Variants in DPF3 observed in about 807,000 individuals in gnomAD.
DPF3 encodes double PHD fingers 3.
Under a neutral mutation model 56.8 loss-of-function variants are expected in DPF3, and 18 were observed. The ratio of observed to expected loss-of-function variants is 0.32; its 90% CI spans 0.22 to 0.47. The LOEUF (loss-of-function observed/expected upper bound fraction) is 0.47. DPF3 is among the 20% of genes least tolerant of loss of function. DPF3 has a pLI of 1.00. For synonymous variants in DPF3, 188 were observed against 180.2 expected (o/e 1.04, Z -0.35); for missense variants, 403 against 488.8 (o/e 0.82, Z 1.65).
chr14:72,664,493 C>G (rs376015847), intron 8 of DPF3, among the ~76,000 whole-genome samples: 3 of 152,236 alleles, frequency 2.0e-5, no homozygotes, highest in East Asian at 3.9e-4. Context: ...CAGCTGTGTT[C>G]TTAGTCTCCT....
chr14:72,856,901 G>A (rs1885190842), intron 1 of DPF3, among the ~76,000 whole-genome samples: 1 of 152,218 alleles, frequency 6.6e-6, no homozygotes, highest in East Asian at 1.9e-4. Context: ...GAAATGTGGG[G>A]CGAGGACTTA....
chr14:72,849,087 A>G (rs1884870605), intron 1 of DPF3, among the ~76,000 whole-genome samples: 1 of 152,222 alleles, frequency 6.6e-6, no homozygotes, highest in South Asian at 2.1e-4. Flanking sequence ...CTCGTTAGTG[A>G]CAAAAGTAAA....
At chr14:72,651,245 C>T (rs1239617073) in intron 8 of DPF3, among the ~76,000 whole-genome samples, 1 of 152,220 alleles carries the variant, frequency 6.6e-6, no homozygotes, top group Non-Finnish European at 1.5e-5. Context: ...TGCTCCGGGG[C>T]TGCTCCTTCT....
rs1285706369 is a variant in DPF3 at position 72,666,144 on chromosome 14, T to C, written c.871+8096A>G. On this transcript the variant is annotated intron_variant, in intron 8 of 10. Transcript: ENST00000556509. Reference sequence around the variant, plus strand: ...ATTATATAATTCAATGTTTTTGTGTTAGAAGCAATTGGGTTTGTGACCAGG... The same window carrying C: ...ATTATATAATTCAATGTTTTTGTGTCAGAAGCAATTGGGTTTGTGACCAGG... Among the ~76,000 whole-genome samples the C allele has an allele frequency of 2.6e-5, 4 of 152,292 alleles. No individual in the cohort carries two copies. In the East Asian group the frequency reaches 7.7e-4, roughly 29 times the overall value.
chr14:72,838,905 AT>A lies in DPF3; in HGVS notation c.32+55151del, dbSNP rs1409942522. Among the ~76,000 whole-genome samples, 103 of 64,500 alleles carry A rather than the reference AT, an allele frequency of 1.6e-3. 1 individual carries two copies. Among genetic ancestry groups the A allele is most frequent in the East Asian group, 7.4e-3 (6 of 816 alleles). 42.3% of individuals were successfully genotyped at this position (64,500 alleles called of 152,430 possible). A position where few individuals can be genotyped will look rare whatever the true frequency, so the allele number is the denominator to read the frequency against. On this transcript the variant is annotated intron_variant, in intron 1 of 10. Coordinates refer to ENST00000556509, the MANE Select transcript of DPF3 (RefSeq NM_001280542.3). Reference sequence around the variant, plus strand: ...ATCTATCATATATATTATCATATATATTCTTTTTTTTTTTTTTTTTTTTTTT... The same window carrying A: ...ATCTATCATATATATTATCATATATATCTTTTTTTTTTTTTTTTTTTTTTT...
At chr14:72,807,443 TC>T (rs1164459813) in intron 1 of DPF3, among the ~76,000 whole-genome samples, 1 of 152,180 alleles carries the variant, frequency 6.6e-6, no homozygotes. Context: ...TGATACTGAC[TC>T]CAGCATAACT....
chr14:72,669,535 C>A (rs968168557), intron 8 of DPF3, among the ~76,000 whole-genome samples: 1 of 152,176 alleles, frequency 6.6e-6, no homozygotes, highest in Non-Finnish European at 1.5e-5. Flanking sequence ...ACATGCAGTG[C>A]CCTGTGGCCA....
In DPF3 at chr14:72,614,948, TC is replaced by T. The variant is rs1884004352; in HGVS notation, c.*4348del. Among the ~76,000 whole-genome samples the T allele has an allele frequency of 7.2e-6, 1 of 138,220 alleles. No homozygotes were observed. Among genetic ancestry groups the T allele is most frequent in the African/African-American group, 2.7e-5 (1 of 37,124 alleles). The allele number at this position is 138,220 out of a possible 152,430, so 90.7% of individuals were successfully genotyped here. ...CCTTCCCCAGGCACCCCTGTCTTTC[TC>T]CCTCCCCAGGAATGGAAGCCTGCTA... On this transcript the variant is annotated 3_prime_UTR_variant, in exon 11 of 11. Transcript: ENST00000556509.
chr14:72,746,594 G>C (rs1890333393), intron 3 of DPF3, among the ~76,000 whole-genome samples: 1 of 152,262 alleles, frequency 6.6e-6, no homozygotes, highest in Non-Finnish European at 1.5e-5. Flanking sequence ...GCTGTTCATT[G>C]CTTCTCAGCA....
chr14:72,728,192 C>T lies in DPF3; in HGVS notation c.429+3615G>A, dbSNP rs559692846. Among the ~76,000 whole-genome samples the T allele has an allele frequency of 3.9e-5, 6 of 152,274 alleles. No homozygotes were observed. The East Asian group carries it at 9.7e-4, about 25-fold the overall frequency. Reference sequence around the variant, plus strand: ...AGCAAGTAACACAGAGATGACAGACCTTGACTTCAAAATCTGAAAGTCACA... The same window carrying T: ...AGCAAGTAACACAGAGATGACAGACTTTGACTTCAAAATCTGAAAGTCACA... On this transcript the variant is annotated intron_variant, in intron 4 of 10. Transcript: ENST00000556509.
chr14:72,747,445 G>T (rs187342721), intron 3 of DPF3, among the ~76,000 whole-genome samples: 19 of 152,082 alleles, frequency 1.2e-4, no homozygotes, highest in African/African-American at 3.9e-4. Flanking sequence ...GACTGGAGCT[G>T]CTGGCAGCCC....
At chr14:72,800,393 G>A in intron 1 of DPF3, among the ~76,000 whole-genome samples, 1 of 151,898 alleles carries the variant, frequency 6.6e-6, no homozygotes, top group East Asian at 1.9e-4. Context: ...TGGATGGATG[G>A]ATGGATGGAT....
chr14:72,800,570 A>G (rs1028787065), intron 1 of DPF3, among the ~76,000 whole-genome samples: 5 of 151,786 alleles, frequency 3.3e-5, no homozygotes, highest in Non-Finnish European at 5.9e-5. Flanking sequence ...GCATGGATGC[A>G]TGCATGCATG....
intron 1 of DPF3, among the ~76,000 whole-genome samples, chr14:72,828,107 A>G (rs1476523687): frequency 7.9e-5 from 12 of 152,226 alleles, no homozygotes; most frequent in Admixed American, 4.6e-4. Context: ...TCATGCTACA[A>G]GCAACCTTGG....
At chr14:72,869,601 T>C (rs950630344) in intron 1 of DPF3, among the ~76,000 whole-genome samples, 5 of 152,160 alleles carry the variant, frequency 3.3e-5, no homozygotes, top group African/African-American at 1.2e-4. Flanking sequence ...TCTCAGGCTC[T>C]TCCCAGTAAG....
At chr14:72,795,286 A>AT (rs1288960622) in intron 1 of DPF3, among the ~76,000 whole-genome samples, 10 of 119,118 alleles carry the variant, frequency 8.4e-5, no homozygotes, top group African/African-American at 2.2e-4. Context: ...ACAAAAAAAA[A>AT]AAAAAAAAAA....
intron 1 of DPF3, among the ~76,000 whole-genome samples, chr14:72,837,511 G>A (rs1884348250): frequency 6.6e-6 from 1 of 152,030 alleles, no homozygotes; most frequent in Non-Finnish European, 1.5e-5. Flanking sequence ...GCCGAGGCGG[G>A]TGGATCATCA....
At chr14:72,881,895 A>G (rs1051493075) in intron 1 of DPF3, among the ~76,000 whole-genome samples, 3 of 152,144 alleles carry the variant, frequency 2.0e-5, no homozygotes, top group African/African-American at 7.2e-5. Context: ...TTTTATGACC[A>G]CTGAATAAAG....
intron 7 of DPF3, 148 bp from the exon 8 acceptor site, chr14:72,674,516 T>C: frequency 1.6e-6 from 2 of 1,220,560 alleles, no homozygotes; most frequent in Non-Finnish European, 2.2e-6. Flanking sequence ...ACGCTTTCTT[T>C]TGGATCCTTC....
Sources: gnomAD v4.1 joint callset for allele counts (sites outside exome capture counted in the v4.1 genomes callset) on GRCh38, gnomAD v4.1.1 for gene constraint, MANE v1.5 for transcripts, NCBI Gene and HGNC (gene_info 2026-07-23, HGNC 2026-07-21) for gene names.